The following FAM136A variants were observed in gnomAD, a reference collection of about 807,000 sequenced individuals.
The protein encoded by FAM136A is TIM double twin CX3C motif protein.
A neutral mutation model predicts 21.6 loss-of-function variants in FAM136A; 25 were observed. That is an observed-to-expected ratio of 1.16 (90% CI 0.84 to 1.62). The LOEUF (loss-of-function observed/expected upper bound fraction) is 1.62. Ranked by LOEUF, FAM136A falls within the 40% of genes most tolerant of loss-of-function variation. The probability of loss-of-function intolerance (pLI) is 0.00; values close to 1 mark genes in which losing one functional copy is unlikely to be tolerated. For missense variants in FAM136A, 338 were observed against 332.0 expected, an observed-to-expected ratio of 1.02 and a Z score of -0.14; for synonymous variants, 119 against 129.4, an observed-to-expected ratio of 0.92 and a Z score of 0.55.
At chr2:70,300,048 C>A (rs879418303) in intron 2 of FAM136A, among the ~76,000 whole-genome samples, 12 of 151,794 alleles carry the variant, frequency 7.9e-5, no homozygotes, top group Non-Finnish European at 1.3e-4. Context: ...ATTACAGGCA[C>A]CTGCCACCAT....
At chr2:70,299,669 T>C (rs1221029331) in intron 2 of FAM136A, among the ~76,000 whole-genome samples, 1 of 152,208 alleles carries the variant, frequency 6.6e-6, no homozygotes, top group Non-Finnish European at 1.5e-5. Context: ...GACGTGATCT[T>C]GGCTCACTGC....
Position 70,302,058 on chromosome 2 carries a change from G to A in FAM136A, c.-47C>T, listed in dbSNP as rs1220527103. 7 of 1,529,050 alleles carry A rather than the reference G, an allele frequency of 4.6e-6. No individual in the cohort carries two copies. Among genetic ancestry groups the A allele is most frequent in the East Asian group, 5.0e-5 (2 of 40,106 alleles). 94.7% of individuals were successfully genotyped at this position (1,529,050 alleles called of 1,614,324 possible). ...GGCGCTCCGCGCCGGCGCCCATATG[G>A]AATCGGCGTACGGGCCCGCCCCCTC... On this transcript the variant is annotated 5_prime_UTR_variant, in exon 1 of 3. Coordinates refer to ENST00000430566, the MANE Select transcript of FAM136A (RefSeq NM_001329752.2).
chr2:70,301,368 TA>T, intron 1 of FAM136A: 1 of 1,498,682 alleles, frequency 6.7e-7, no homozygotes, highest in Non-Finnish European at 8.9e-7. Context: ...GCCGACCCAC[TA>T]ATCAATGACT....
rs1404002200 is a variant in FAM136A, at chr2:70,301,516, C to A, written c.408+88G>T. On this transcript the variant is annotated intron_variant, in intron 1 of 2. Transcript: ENST00000430566. ...CGAGGTTGGGCGCAAGAGAAGCAGG[C>A]ATGACCTGGCCAACGGGGAGGCCGG... The A allele has an allele frequency of 3.3e-6, 5 of 1,535,814 alleles. No individual in the cohort carries two copies. In the East Asian group the frequency reaches 1.2e-4, roughly 38 times the overall value.
chr2:70,301,529 A>C, intron 1 of FAM136A, 75 bp downstream of exon 1: 1 of 1,536,014 alleles, frequency 6.5e-7, no homozygotes, highest in Non-Finnish European at 8.7e-7. Context: ...GACCTGGCCA[A>C]CGGGGAGGCC....
At chr2:70,301,536 G>C in intron 1 of FAM136A, 68 bp downstream of exon 1, 1 of 1,536,014 alleles carries the variant, frequency 6.5e-7, no homozygotes, top group Non-Finnish European at 8.7e-7. Context: ...CCAACGGGGA[G>C]GCCGGAAGTC....
At position 70,297,445 on chromosome 2, in the gene FAM136A, G is replaced by A. The variant is rs2618235; in HGVS notation, c.582C>T (p.Asn194=). The stretch of plus-strand genomic sequence containing the variant: ...CATCTATTGAATCTTTGGCTTTGTC[G>A]TTGCAATGCATGGTGCACCGGGCCA... ...DRLARCTMHC[N]DKAKDSIDAG... is the part of the protein sequence containing the mutation. The change falls in exon 3 of 3, where the codon AAC becomes AAT. Residue 194 remains asparagine, a synonymous_variant. Transcript: ENST00000430566. 467,147 of 1,607,534 alleles carry A rather than the reference G, an allele frequency of 0.29. 48,517 individuals carry two copies. The highest frequency in any genetic ancestry group is 0.33 in the East Asian group (14,625 of 44,454).
intron 2 of FAM136A, among the ~76,000 whole-genome samples, chr2:70,299,689 C>A (rs1327177660): frequency 6.6e-6 from 1 of 152,148 alleles, no homozygotes; most frequent in Non-Finnish European, 1.5e-5. Context: ...CAAGCTCTGC[C>A]TCCCGGATTC....
chr2:70,296,260 A>C lies in FAM136A; in HGVS notation c.*1029T>G, dbSNP rs1697243933. On this transcript the variant is annotated 3_prime_UTR_variant, in exon 3 of 3. Coordinates refer to ENST00000430566, the MANE Select transcript of FAM136A (RefSeq NM_001329752.2). ...CAAGTTGCTTACTTTTTCTCCCTTG[A>C]ATTTCCTGTTGCCAGGGGTTTGTCT... 1 of 165,268 alleles carries C rather than the reference A, an allele frequency of 6.1e-6. No individual in the cohort carries two copies. The highest frequency in any genetic ancestry group is 1.7e-4 in the South Asian group (1 of 5,726). 10.2% of individuals were successfully genotyped at this position (165,268 alleles called of 1,614,324 possible). A position where few individuals can be genotyped will look rare whatever the true frequency, so the allele number is the denominator to read the frequency against.
Position 70,301,753 on chromosome 2 carries a change from A to G in FAM136A, c.259T>C (p.Ser87Pro), listed in dbSNP as rs991831038. ...GGCAAGGGCACACGGATTTCATCCG[A>G]TCCGCCAAAGCTTCCGAAGTCCTGT... Reference protein sequence around the residue: ...LGQDFGSFGGSDEIRVPLPCA... With the variant: ...LGQDFGSFGGPDEIRVPLPCA... Residue 87 changes from serine to proline, a missense_variant, in exon 1 of 3, where the codon TCG becomes CCG. Ser to Pro is a moderately conservative substitution (Grantham distance 74). Coordinates refer to ENST00000430566, the MANE Select transcript of FAM136A (RefSeq NM_001329752.2). 2.1e-5 allele frequency: 33 copies of G among 1,541,768 alleles called. No homozygotes were observed. The African/African-American group carries it at 3.8e-4, about 18-fold the overall frequency.
Position 70,300,820 on chromosome 2 carries a change from C to T in FAM136A, c.549+20G>A. 6.3e-7 allele frequency: 1 copy of T among 1,588,864 alleles called. No homozygotes were observed. The highest frequency in any genetic ancestry group is 8.6e-7 in the Non-Finnish European group (1 of 1,161,148). On this transcript the variant is annotated intron_variant, in intron 2 of 2. Coordinates refer to ENST00000430566, the MANE Select transcript of FAM136A (RefSeq NM_001329752.2). ...AGTCTGTATCAAGGACTACAGTGCT[C>T]TGTCTAGGATATTTCTCACCTGGAA...
intron 1 of FAM136A, chr2:70,301,295 A>C: frequency 1.5e-6 from 2 of 1,324,480 alleles, no homozygotes; most frequent in Non-Finnish European, 2.0e-6. Flanking sequence ...TCTGAAAACC[A>C]GGAGCCTCTT....
chr2:70,301,698 C>A lies in FAM136A; in HGVS notation c.314G>T (p.Ser105Ile), dbSNP rs1022397432. 2 of 1,535,310 alleles carry A rather than the reference C, an allele frequency of 1.3e-6. No individual in the cohort carries two copies. Among genetic ancestry groups the A allele is most frequent in the East Asian group, 2.4e-5 (1 of 40,892 alleles). Residue 105 changes from serine to isoleucine, a missense_variant, in exon 1 of 3, where the codon AGC (serine) becomes ATC (isoleucine). By Grantham distance (142) the Ser-to-Ile change is moderately radical. Transcript: ENST00000430566. The stretch of plus-strand genomic sequence containing the variant: ...CCGCCGAGGACGCTCCTGCCCCGGG[C>A]TGGAAGGGGCGGAAAACAGCCTCGC... ...PCARLFSAPS[S>I]PGQERPRRQV...
Position 70,297,265 on chromosome 2 carries a change from C to T in FAM136A, c.*24G>A. The T allele has an allele frequency of 6.2e-7, 1 of 1,606,432 alleles. No homozygotes were observed. Among genetic ancestry groups the T allele is most frequent in the Non-Finnish European group, 8.5e-7 (1 of 1,174,066 alleles). On this transcript the variant is annotated 3_prime_UTR_variant, in exon 3 of 3. Coordinates refer to ENST00000430566, the MANE Select transcript of FAM136A (RefSeq NM_001329752.2). ...TAAAAAATATATTCTTGCCCTCAGCCCTGATGGCCACTGGCAAATACTTTT... is the reference window on the plus strand; with the variant it reads ...TAAAAAATATATTCTTGCCCTCAGCTCTGATGGCCACTGGCAAATACTTTT...
intron 2 of FAM136A, chr2:70,300,579 C>T: frequency 3.7e-6 from 1 of 270,858 alleles, no homozygotes; most frequent in South Asian, 7.3e-5. Flanking sequence ...CCTGCCTCAG[C>T]CTCCTAAAGT....
rs1013464750 is a variant in FAM136A at position 70,297,103 on chromosome 2, T to C, written c.*186A>G. 5.0e-6 allele frequency: 3 copies of C among 602,464 alleles called. No individual in the cohort carries two copies. Among genetic ancestry groups the C allele is most frequent in the Non-Finnish European group, 8.5e-6 (3 of 351,870 alleles). The allele number at this position is 602,464 out of a possible 1,614,324, so 37.3% of individuals were successfully genotyped here. A position where few individuals can be genotyped will look rare whatever the true frequency, so the allele number is the denominator to read the frequency against. On this transcript the variant is annotated 3_prime_UTR_variant, in exon 3 of 3. Coordinates refer to ENST00000430566, the MANE Select transcript of FAM136A (RefSeq NM_001329752.2). Reference sequence around the variant, plus strand: ...CTGACTCGATTTAGCACCACTTTTTTCCATTTCATTTTTTAGGGACTGAAA... The same window carrying C: ...CTGACTCGATTTAGCACCACTTTTTCCCATTTCATTTTTTAGGGACTGAAA...
intron 2 of FAM136A, among the ~76,000 whole-genome samples, chr2:70,298,978 C>G (rs1323566791): frequency 3.9e-5 from 6 of 152,126 alleles, no homozygotes; most frequent in Non-Finnish European, 8.8e-5. Flanking sequence ...TGAAAGTCCA[C>G]TTGGAGAGGA....
intron 2 of FAM136A, among the ~76,000 whole-genome samples, chr2:70,298,950 T>A (rs1697324116): frequency 6.6e-6 from 1 of 152,138 alleles, no homozygotes; most frequent in South Asian, 2.1e-4. Flanking sequence ...GCAGGAGTGG[T>A]TCTGGCCCAG....
chr2:70,298,414 G>A (rs112109381), intron 2 of FAM136A, among the ~76,000 whole-genome samples: 274 of 152,258 alleles, frequency 1.8e-3, no homozygotes, highest in African/African-American at 6.3e-3. Flanking sequence ...CTTTCTACAG[G>A]AAAACATTCA....
Sources: gnomAD v4.1 joint callset for allele counts (sites outside exome capture counted in the v4.1 genomes callset) on GRCh38, gnomAD v4.1.1 for gene constraint, MANE v1.5 for transcripts, NCBI Gene and HGNC (gene_info 2026-07-23, HGNC 2026-07-21) for gene names.